TAS2R3: variants seen among roughly 807,000 people sequenced by gnomAD.
TAS2R3 encodes taste receptor type 2 member 3.
TAS2R3 carries 10 observed loss-of-function variants against 15.3 expected under a neutral mutation model. That is an observed-to-expected ratio of 0.65 (90% CI 0.40 to 1.11). The LOEUF (loss-of-function observed/expected upper bound fraction) is 1.11, where lower values mean the gene tolerates loss of function less well. TAS2R3 is among the 50% of genes least tolerant of loss of function. TAS2R3 has a pLI of 0.00. For missense variants in TAS2R3, 383 were observed against 370.3 expected (o/e 1.03, Z -0.28); for synonymous variants, 162 against 141.3 (o/e 1.15, Z -1.04).
At position 141,764,172 on chromosome 7, in the gene TAS2R3, C is replaced by T. The variant is rs1397479863; in HGVS notation, c.14C>T (p.Thr5Ile). The change falls in exon 1 of 1, where the codon ACC becomes ATC. Residue 5 changes from threonine to isoleucine, a missense_variant. Transcript: ENST00000247879. MMGL[T>I]EGVFLILSGT... ...CTAATTGCTGACATGATGGGACTCA[C>T]CGAGGGGGTGTTCCTGATTCTGTCT... The T allele has an allele frequency of 1.2e-6, 2 of 1,612,126 alleles. No individual in the cohort carries two copies. Among genetic ancestry groups the T allele is most frequent in the Non-Finnish European group, 1.7e-6 (2 of 1,179,334 alleles).
In TAS2R3 at chr7:141,764,182, G is replaced by C. The variant is rs912995176; in HGVS notation, c.24G>C (p.Val8=). ...ACATGATGGGACTCACCGAGGGGGT[G>C]TTCCTGATTCTGTCTGGCACTCAGT... MMGLTEG[V]FLILSGTQFT... is the part of the protein sequence containing the mutation. Residue 8 remains valine, a synonymous_variant, in exon 1 of 1, where the codon GTG becomes GTC. Transcript: ENST00000247879. 1.9e-6 allele frequency: 3 copies of C among 1,613,466 alleles called. No homozygotes were observed. Among genetic ancestry groups the C allele is most frequent in the Non-Finnish European group, 1.7e-6 (2 of 1,179,840 alleles).
Position 141,764,373 on chromosome 7 carries a change from C to T in TAS2R3, c.215C>T (p.Ser72Phe). 1 of 1,614,176 alleles carries T rather than the reference C, an allele frequency of 6.2e-7. No individual in the cohort carries two copies. The part of the protein sequence containing the change: ...ILTDSFLIEF[S>F]PNTHDSGIIM... ...ACTGATAGTTTTTTAATAGAATTCT[C>T]TCCCAACACACATGATTCAGGGATA... is the stretch of plus-strand genomic sequence containing the variant. The change falls in exon 1 of 1, where the codon TCT becomes TTT. Residue 72 changes from serine to phenylalanine, a missense_variant. Physicochemically the swap from Ser to Phe is radical, Grantham distance 155. Coordinates refer to ENST00000247879, the MANE Select transcript of TAS2R3 (RefSeq NM_016943.2).
rs1800096463 is a variant in TAS2R3 at position 141,764,287 on chromosome 7, G to A, written c.129G>A (p.Leu43=). 9 of 1,614,038 alleles carry A rather than the reference G, an allele frequency of 5.6e-6. No individual in the cohort carries two copies. Among genetic ancestry groups the A allele is most frequent in the Non-Finnish European group, 7.6e-6 (9 of 1,180,026 alleles). Residue 43 remains leucine (L), a synonymous_variant, in exon 1 of 1, where the codon TTG becomes TTA. Coordinates refer to ENST00000247879, the MANE Select transcript of TAS2R3 (RefSeq NM_016943.2). ...SSWFKTKRMS[L]SDFIITTLAL... is the part of the protein sequence containing the mutation. ...GGTTCAAGACCAAGAGAATGTCTTT[G>A]TCTGACTTCATCATCACCACCCTGG...
In TAS2R3 at chr7:141,764,168, C is replaced by G; in HGVS notation, c.10C>G (p.Leu4Val). The G allele has an allele frequency of 5.0e-6, 8 of 1,610,500 alleles. No individual in the cohort carries two copies. Among genetic ancestry groups the G allele is most frequent in the Non-Finnish European group, 5.9e-6 (7 of 1,178,366 alleles). ...CTGCCTAATTGCTGACATGATGGGA[C>G]TCACCGAGGGGGTGTTCCTGATTCT... MMGLTEGVFLILSG... is the reference protein window; with the variant it reads MMGVTEGVFLILSG... The change falls in exon 1 of 1, where the codon CTC (leucine) becomes GTC (valine). Residue 4 changes from leucine to valine, a missense_variant. Physicochemically the swap from Leu to Val is conservative, Grantham distance 32. Coordinates refer to ENST00000247879, the MANE Select transcript of TAS2R3 (RefSeq NM_016943.2).
In TAS2R3 at chr7:141,764,577, T is replaced by C. The variant is rs755527402; in HGVS notation, c.419T>C (p.Leu140Ser). 6.2e-7 allele frequency: 1 copy of C among 1,614,158 alleles called. No homozygotes were observed. The highest frequency in any genetic ancestry group is 1.7e-5 in the Admixed American group (1 of 60,024). Reference protein sequence around the residue: ...MVWMLLGALLLSCGSTASLIN... With the variant: ...MVWMLLGALLSSCGSTASLIN... ...TGGATGCTGTTGGGTGCACTGCTCT[T>C]ATCCTGTGGTAGTACCGCATCTCTG... Residue 140 changes from leucine to serine, a missense_variant, in exon 1 of 1, where the codon TTA (leucine) becomes TCA (serine). Leu to Ser is a moderately radical substitution (Grantham distance 145, BLOSUM62 -2). Coordinates refer to ENST00000247879, the MANE Select transcript of TAS2R3 (RefSeq NM_016943.2).
At position 141,764,710 on chromosome 7, in the gene TAS2R3, TGGG is replaced by T. The variant is rs1482228708; in HGVS notation, c.553_555del (p.Gly185del). 1 of 1,614,130 alleles carries T rather than the reference TGGG, an allele frequency of 6.2e-7. No individual in the cohort carries two copies. The highest frequency in any genetic ancestry group is 1.1e-5 in the South Asian group (1 of 91,078). On this transcript the variant is annotated inframe_deletion, in exon 1 of 1. Transcript: ENST00000247879. The stretch of plus-strand genomic sequence containing the variant: ...GTGAGTATTATCTGATCCATGTTCT[TGGG>T]ACTCTGTGGTACCTGCCTCCCTTAA...
In TAS2R3 at chr7:141,765,104, T is replaced by A. The variant is rs1800109834; in HGVS notation, c.946T>A (p.Ser316Thr). 1 of 1,609,012 alleles carries A rather than the reference T, an allele frequency of 6.2e-7. No individual in the cohort carries two copies. ...GCCTGGATCCAAGGGACCCATTTTC[T>A]CTTAGAGTAACAGAGGGCATGGGGT... ...LKPGSKGPIF[S>T] The change falls in exon 1 of 1, where the codon TCT (serine) becomes ACT (threonine). Residue 316 changes from serine to threonine, a missense_variant. Physicochemically the swap from Ser to Thr is moderately conservative, Grantham distance 58 (BLOSUM62 1). Transcript: ENST00000247879.
Position 141,764,438 on chromosome 7 carries a change from C to A in TAS2R3, c.280C>A (p.His94Asn), listed in dbSNP as rs1431514238. ...IIDVSWTFTN[H>N]LSIWLATCLG... ...TGATGTTTCCTGGACATTTACAAAC[C>A]ATCTGAGCATTTGGCTTGCCACCTG... The change falls in exon 1 of 1, where the codon CAT becomes AAT. Residue 94 changes from histidine (H) to asparagine (N), a missense_variant. Transcript: ENST00000247879. 6.2e-7 allele frequency: 1 copy of A among 1,614,018 alleles called. No homozygotes were observed. The highest frequency in any genetic ancestry group is 1.7e-5 in the Admixed American group (1 of 60,008).
Position 141,765,064 on chromosome 7 carries a change from G to T in TAS2R3, c.906G>T (p.Glu302Asp). Residue 302 changes from glutamate to aspartate, a missense_variant, in exon 1 of 1, where the codon GAG (glutamate) becomes GAT (aspartate). Physicochemically the swap from Glu to Asp is conservative, Grantham distance 45 (BLOSUM62 2). Transcript: ENST00000247879. ...KQTFVVMLRC[E>D]SGHLKPGSKG... ...CATTTGTAGTGATGCTCCGGTGTGAGTCTGGTCATCTGAAGCCTGGATCCA... is the reference window on the plus strand; with the variant it reads ...CATTTGTAGTGATGCTCCGGTGTGATTCTGGTCATCTGAAGCCTGGATCCA... The T allele has an allele frequency of 6.2e-7, 1 of 1,614,062 alleles. No homozygotes were observed. The highest frequency in any genetic ancestry group is 8.5e-7 in the Non-Finnish European group (1 of 1,179,964).
In TAS2R3 at chr7:141,765,024, G is replaced by C. The variant is rs1381249466; in HGVS notation, c.866G>C (p.Ser289Thr). The change falls in exon 1 of 1, where the codon AGT (serine) becomes ACT (threonine). Residue 289 changes from serine to threonine, a missense_variant. Coordinates refer to ENST00000247879, the MANE Select transcript of TAS2R3 (RefSeq NM_016943.2). ...TCATTTATTCTCATTCTGGGGAACAGTAAGCTGAAGCAGACATTTGTAGTG... is the reference window on the plus strand; with the variant it reads ...TCATTTATTCTCATTCTGGGGAACACTAAGCTGAAGCAGACATTTGTAGTG... ...GHSFILILGN[S>T]KLKQTFVVML... 1.2e-6 allele frequency: 2 copies of C among 1,614,112 alleles called. No individual in the cohort carries two copies. The highest frequency in any genetic ancestry group is 2.2e-5 in the East Asian group (1 of 44,898).
chr7:141,764,530 G>A, the TAS2R3 span: 1 of 1,614,090 alleles, frequency 6.2e-7, no homozygotes, highest in Non-Finnish European at 8.5e-7. Context: ...GGCTCAAGTG[G>A]AGAGTTTCTA....
Position 141,764,965 on chromosome 7 carries a change from C to G in TAS2R3, c.807C>G (p.Gly269=). 6.2e-7 allele frequency: 1 copy of G among 1,613,918 alleles called. No homozygotes were observed. The highest frequency in any genetic ancestry group is 1.1e-5 in the South Asian group (1 of 91,074). Residue 269 remains glycine, a synonymous_variant, in exon 1 of 1, where the codon GGC becomes GGG. Coordinates refer to ENST00000247879, the MANE Select transcript of TAS2R3 (RefSeq NM_016943.2). The part of the protein sequence containing the change: ...LPKTKMAKMI[G]EVMTMFYPAG... Reference sequence around the variant, plus strand: ...AAACCAAGATGGCTAAGATGATTGGCGAAGTAATGACAATGTTTTATCCTG... The same window carrying G: ...AAACCAAGATGGCTAAGATGATTGGGGAAGTAATGACAATGTTTTATCCTG...
At position 141,765,179 on chromosome 7, in the gene TAS2R3, A is replaced by G; in HGVS notation, c.*70A>G. 2 of 1,469,990 alleles carry G rather than the reference A, an allele frequency of 1.4e-6. No homozygotes were observed. Among genetic ancestry groups the G allele is most frequent in the Middle Eastern group, 1.8e-4 (1 of 5,502 alleles). 91.1% of individuals were successfully genotyped at this position (1,469,990 alleles called of 1,614,324 possible). On this transcript the variant is annotated 3_prime_UTR_variant, in exon 1 of 1. Transcript: ENST00000247879. ...GCTCAAGACTACAGGACTCTTCCTG[A>G]CCTTCCTATGTTACCAGTTCCATAA... is the stretch of plus-strand genomic sequence containing the variant.
rs1490881368 is a variant in TAS2R3 at position 141,764,506 on chromosome 7, C to T, written c.348C>T (p.His116=). The T allele has an allele frequency of 1.9e-6, 3 of 1,614,036 alleles. No homozygotes were observed. The highest frequency in any genetic ancestry group is 1.3e-5 in the African/African-American group (1 of 74,894). The change falls in exon 1 of 1, where the codon CAC becomes CAT. Residue 116 remains histidine (H), a synonymous_variant. Coordinates refer to ENST00000247879, the MANE Select transcript of TAS2R3 (RefSeq NM_016943.2). Reference sequence around the variant, plus strand: ...GCCTGAAAATCGCCAGTTTCTCTCACCCCACATTCCTCTGGCTCAAGTGGA... The same window carrying T: ...GCCTGAAAATCGCCAGTTTCTCTCATCCCACATTCCTCTGGCTCAAGTGGA... ...LYCLKIASFS[H]PTFLWLKWRV...
chr7:141,764,636 G>A lies in TAS2R3; in HGVS notation c.478G>A (p.Gly160Arg), dbSNP rs1800102612. Reference protein sequence around the residue: ...NEFKLYSVFRGIEATRNVTEH... With the variant: ...NEFKLYSVFRRIEATRNVTEH... ...GTTTAAGCTCTATTCTGTCTTTAGGGGAATTGAGGCCACCAGGAATGTGAC... is the reference window on the plus strand; with the variant it reads ...GTTTAAGCTCTATTCTGTCTTTAGGAGAATTGAGGCCACCAGGAATGTGAC... Residue 160 changes from glycine (G) to arginine (R), a missense_variant, in exon 1 of 1, where the codon GGA becomes AGA. Transcript: ENST00000247879. 6.2e-7 allele frequency: 1 copy of A among 1,614,094 alleles called. No individual in the cohort carries two copies. The highest frequency in any genetic ancestry group is 8.5e-7 in the Non-Finnish European group (1 of 1,180,014).
rs765219078 is a variant in TAS2R3 at position 141,764,912 on chromosome 7, A to T, written c.754A>T (p.Ile252Phe). Residue 252 changes from isoleucine to phenylalanine, a missense_variant, in exon 1 of 1, where the codon ATT becomes TTT. Ile to Phe is a conservative substitution (Grantham distance 21). Coordinates refer to ENST00000247879, the MANE Select transcript of TAS2R3 (RefSeq NM_016943.2). Reference sequence around the variant, plus strand: ...CTTACTTTACTTTCTTGCTTTCTTAATTGCATCATTTGGTAATTTCCTACC... The same window carrying T: ...CTTACTTTACTTTCTTGCTTTCTTATTTGCATCATTTGGTAATTTCCTACC... ...LFLLYFLAFLIASFGNFLPKT... is the reference protein window; with the variant it reads ...LFLLYFLAFLFASFGNFLPKT... The T allele has an allele frequency of 9.3e-6, 15 of 1,614,176 alleles. No individual in the cohort carries two copies. Among genetic ancestry groups the T allele is most frequent in the Non-Finnish European group, 1.2e-5 (14 of 1,180,026 alleles).
Position 141,764,519 on chromosome 7 carries a change from T to C in TAS2R3, c.361T>C (p.Trp121Arg), listed in dbSNP as rs1357605886. The C allele has an allele frequency of 6.2e-7, 1 of 1,614,182 alleles. No individual in the cohort carries two copies. ...IASFSHPTFLWLKWRVSRVMV... is the reference protein window; with the variant it reads ...IASFSHPTFLRLKWRVSRVMV... ...CAGTTTCTCTCACCCCACATTCCTCTGGCTCAAGTGGAGAGTTTCTAGGGT... is the reference window on the plus strand; with the variant it reads ...CAGTTTCTCTCACCCCACATTCCTCCGGCTCAAGTGGAGAGTTTCTAGGGT... The change falls in exon 1 of 1, where the codon TGG becomes CGG. Residue 121 changes from tryptophan to arginine, a missense_variant. Physicochemically the swap from Trp to Arg is moderately radical, Grantham distance 101. Coordinates refer to ENST00000247879, the MANE Select transcript of TAS2R3 (RefSeq NM_016943.2).
chr7:141,764,854 C>T lies in TAS2R3; in HGVS notation c.696C>T (p.Ala232=). The part of the protein sequence containing the change: ...RDPTTEAHKR[A]IRIILSFFFL... ...CAACCACTGAGGCCCACAAGAGGGC[C>T]ATCAGAATCATCCTTTCCTTCTTCT... The change falls in exon 1 of 1, where the codon GCC becomes GCT. Residue 232 remains alanine, a synonymous_variant. Coordinates refer to ENST00000247879, the MANE Select transcript of TAS2R3 (RefSeq NM_016943.2). 2 of 1,614,186 alleles carry T rather than the reference C, an allele frequency of 1.2e-6. No homozygotes were observed. The highest frequency in any genetic ancestry group is 1.7e-4 in the Middle Eastern group (1 of 6,060).
Position 141,764,508 on chromosome 7 carries a change from C to G in TAS2R3, c.350C>G (p.Pro117Arg). ...CTGAAAATCGCCAGTTTCTCTCACC[C>G]CACATTCCTCTGGCTCAAGTGGAGA... ...YCLKIASFSH[P>R]TFLWLKWRVS... The change falls in exon 1 of 1, where the codon CCC (proline) becomes CGC (arginine). Residue 117 changes from proline (P) to arginine (R), a missense_variant. Coordinates refer to ENST00000247879, the MANE Select transcript of TAS2R3 (RefSeq NM_016943.2). 6.2e-7 allele frequency: 1 copy of G among 1,614,146 alleles called. No homozygotes were observed. Among genetic ancestry groups the G allele is most frequent in the Non-Finnish European group, 8.5e-7 (1 of 1,180,020 alleles).
Sources: allele counts gnomAD v4.1 joint callset, GRCh38; gene constraint gnomAD v4.1.1; transcripts MANE v1.5; gene names NCBI Gene and HGNC (gene_info 2026-07-23, HGNC 2026-07-21).